HSD17B2: variants seen among roughly 807,000 people sequenced by gnomAD.
The protein encoded by HSD17B2 is 17-beta-hydroxysteroid dehydrogenase type 2.
Under a neutral mutation model 26.9 loss-of-function variants are expected in HSD17B2, and 32 were observed. The ratio of observed to expected loss-of-function variants is 1.19; its 90% confidence interval spans 0.90 to 1.60. The LOEUF is 1.60. HSD17B2 is among the 40% of genes most tolerant of loss of function. HSD17B2 has a pLI of 0.00. For missense variants in HSD17B2, 613 were observed against 468.6 expected (o/e 1.31, Z -2.85); for synonymous variants, 246 against 186.7 (o/e 1.32, Z -2.59).
rs377053659 is a variant in HSD17B2, at chr16:82,035,592, G to C, written c.168G>C (p.Trp56Cys). 214 of 1,613,778 alleles carry C rather than the reference G, an allele frequency of 1.3e-4. No homozygotes were observed. Among genetic ancestry groups the C allele is most frequent in the Non-Finnish European group, 1.7e-4 (198 of 1,180,020 alleles). Residue 56 changes from tryptophan to cysteine, a missense_variant, in exon 1 of 5, where the codon TGG (tryptophan) becomes TGC (cysteine). Physicochemically the swap from Trp to Cys is radical, Grantham distance 215. Transcript: ENST00000199936. ...AVCLLILSPF[W>C]GLILFSVSCF... ...GCCTGCTCATCCTGTCCCCTTTTTG[G>C]GGCTTGATCCTCTTCTCGGTGTCAT...
At chr16:82,097,349 G>GTGTATA (rs1168686992) in intron 4 of HSD17B2, 2 of 57,064 alleles carry the variant, frequency 3.5e-5, no homozygotes, top group Non-Finnish European at 7.0e-5. Flanking sequence ...TTATATATGT[G>GTGTATA]TACACACACA....
chr16:82,061,032 A>T (rs997004332), intron 1 of HSD17B2, among the ~76,000 whole-genome samples: 4 of 152,148 alleles, frequency 2.6e-5, no homozygotes, highest in Non-Finnish European at 4.4e-5. Context: ...AGACTGAGGC[A>T]GGTAGATCAT....
intron 3 of HSD17B2, among the ~76,000 whole-genome samples, chr16:82,078,106 G>A (rs1004554203): frequency 6.6e-6 from 1 of 152,038 alleles, no homozygotes; most frequent in Non-Finnish European, 1.5e-5. Flanking sequence ...CCACAGAATG[G>A]GAGAAAATAT....
Position 82,061,997 on chromosome 16 carries a change from G to A in HSD17B2, c.266-6173G>A, listed in dbSNP as rs183223474. 1.4e-3 allele frequency among the ~76,000 whole-genome samples: 208 copies of A among 152,318 alleles called. 2 individuals are homozygous for A. The highest frequency in any genetic ancestry group is 4.8e-3 in the African/African-American group (199 of 41,582). On this transcript the variant is annotated intron_variant, in intron 1 of 4. Coordinates refer to ENST00000199936, the MANE Select transcript of HSD17B2 (RefSeq NM_002153.3). ...TGGCCTGAAGAACTCCCAAACACGC[G>A]TTATTCACAACGTGCCCAATTTAAG...
intron 1 of HSD17B2, among the ~76,000 whole-genome samples, chr16:82,049,671 G>C (rs1386052028): frequency 1.3e-5 from 2 of 152,220 alleles, no homozygotes; most frequent in Non-Finnish European, 2.9e-5. Context: ...CCATAAACAA[G>C]AGAGTCTTGG....
rs373558283 is a variant in HSD17B2, at chr16:82,035,641, T to A, written c.217T>A (p.Ser73Thr). The A allele has an allele frequency of 3.1e-6, 5 of 1,613,878 alleles. No individual in the cohort carries two copies. The highest frequency in any genetic ancestry group is 4.2e-6 in the Non-Finnish European group (5 of 1,180,052). ...VSCFLMYTYL[S>T]GQELLPVDQK... ...ATGCTTCCTCATGTATACTTACTTA[T>A]CTGGCCAAGAATTGTTACCTGTGGA... The change falls in exon 1 of 5, where the codon TCT becomes ACT. Residue 73 changes from serine (S) to threonine (T), a missense_variant. Ser to Thr is a moderately conservative substitution (Grantham distance 58, BLOSUM62 1). Coordinates refer to ENST00000199936, the MANE Select transcript of HSD17B2 (RefSeq NM_002153.3).
At chr16:82,089,344 TAC>T (rs1904618060) in intron 3 of HSD17B2, among the ~76,000 whole-genome samples, 1 of 152,188 alleles carries the variant, frequency 6.6e-6, no homozygotes, top group African/African-American at 2.4e-5. Flanking sequence ...ATGGCTGGAC[TAC>T]AGTTTGCTTA....
At chr16:82,047,369 TG>T (rs1734582160) in intron 1 of HSD17B2, among the ~76,000 whole-genome samples, 1 of 152,210 alleles carries the variant, frequency 6.6e-6, no homozygotes, top group South Asian at 2.1e-4. Flanking sequence ...AAAAGAACTC[TG>T]ATTAGCAGTG....
At chr16:82,074,783 G>C (rs1418751427) in intron 3 of HSD17B2, among the ~76,000 whole-genome samples, 1 of 152,132 alleles carries the variant, frequency 6.6e-6, no homozygotes, top group Admixed American at 6.5e-5. Flanking sequence ...TTCAGCTTTG[G>C]ATAGATCATC....
intron 1 of HSD17B2, among the ~76,000 whole-genome samples, chr16:82,047,625 G>T (rs555714514): frequency 6.6e-6 from 1 of 152,342 alleles, no homozygotes; most frequent in East Asian, 1.9e-4. Context: ...TAGAGGCCAT[G>T]AGTTGGAAGG....
At position 82,090,408 on chromosome 16, in the gene HSD17B2, C is replaced by G. The variant is rs529414810; in HGVS notation, c.665-494C>G. On this transcript the variant is annotated intron_variant, in intron 3 of 4. Coordinates refer to ENST00000199936, the MANE Select transcript of HSD17B2 (RefSeq NM_002153.3). ...TCCCAGCTCACTACAACCTCTGCCCCCTGGGGTCCAAGCGATTCTTACGTC... is the reference window on the plus strand; with the variant it reads ...TCCCAGCTCACTACAACCTCTGCCCGCTGGGGTCCAAGCGATTCTTACGTC... Among the ~76,000 whole-genome samples the G allele has an allele frequency of 8.1e-5, 12 of 147,312 alleles. No homozygotes were observed. The East Asian group carries it at 1.0e-3, about 12-fold the overall frequency.
chr16:82,079,737 G>A (rs1394309005), intron 3 of HSD17B2, among the ~76,000 whole-genome samples: 1 of 152,100 alleles, frequency 6.6e-6, no homozygotes, highest in Non-Finnish European at 1.5e-5. Flanking sequence ...AGCCGGAAAA[G>A]AAAAAGCTAG....
chr16:82,090,786 G>T, intron 3 of HSD17B2, 116 bp from the exon 4 acceptor site: 1 of 1,010,564 alleles, frequency 9.9e-7, no homozygotes, highest in Non-Finnish European at 1.4e-6. Context: ...GCCTGCCTTT[G>T]TCTGCCCAAG....
At chr16:82,036,316 TTGTTTGTGTG>T (rs1047112827) in intron 1 of HSD17B2, among the ~76,000 whole-genome samples, 4 of 111,486 alleles carry the variant, frequency 3.6e-5, no homozygotes, top group Non-Finnish European at 7.4e-5. Flanking sequence ...AGTTTTTCCC[TTGTTTGTGTG>T]TGTGTGTGTG....
chr16:82,075,711 G>A (rs373598153), intron 3 of HSD17B2, among the ~76,000 whole-genome samples: 2 of 152,108 alleles, frequency 1.3e-5, no homozygotes, highest in Non-Finnish European at 2.9e-5. Context: ...TAACGAGTTC[G>A]AAGCAGTAGT....
In HSD17B2 at chr16:82,098,345, T is replaced by A. The variant is rs763446031; in HGVS notation, c.1073T>A (p.Ile358Lys). The change falls in exon 5 of 5, where the codon ATA becomes AAA. Residue 358 changes from isoleucine to lysine, a missense_variant. Coordinates refer to ENST00000199936, the MANE Select transcript of HSD17B2 (RefSeq NM_002153.3). ...ICLAHYLPIG[I>K]YDYFAKRHFG... is the part of the protein sequence containing the mutation. ...CTTGCTCACTATTTGCCTATTGGCATATATGATTACTTTGCTAAAAGACAT... is the reference window on the plus strand; with the variant it reads ...CTTGCTCACTATTTGCCTATTGGCAAATATGATTACTTTGCTAAAAGACAT... The A allele has an allele frequency of 5.6e-6, 9 of 1,614,070 alleles. No individual in the cohort carries two copies. In the South Asian group the frequency reaches 9.9e-5, roughly 18 times the overall value.
In HSD17B2 at chr16:82,098,421, GA is replaced by G; in HGVS notation, c.1154del (p.Lys385ArgfsTer30). The G allele has an allele frequency of 6.2e-7, 1 of 1,601,186 alleles. No homozygotes were observed. ...GAGCTCTAAGAATGCCTAACTACAA[GA>G]AAAAGGCCACCTAGGCAATGGAAGC... ...PRALRMPNYK[K>X]KAT On this transcript the variant is annotated frameshift_variant, in exon 5 of 5. Transcript: ENST00000199936. LOFTEE classifies it high-confidence loss of function.
intron 1 of HSD17B2, among the ~76,000 whole-genome samples, chr16:82,045,272 G>A (rs571948160): frequency 6.6e-6 from 1 of 152,160 alleles, no homozygotes; most frequent in African/African-American, 2.4e-5. Flanking sequence ...GCACTGGGCT[G>A]TTTACCCCCA....
At chr16:82,091,864 G>A (rs1022784767) in intron 4 of HSD17B2, 2 of 152,154 alleles carry the variant, frequency 1.3e-5, no homozygotes, top group Non-Finnish European at 2.9e-5. Context: ...AATTGCGTTG[G>A]CTTATAAGTC....
Sources: gnomAD v4.1 joint callset for allele counts (sites outside exome capture counted in the v4.1 genomes callset) on GRCh38, gnomAD v4.1.1 for gene constraint, MANE v1.5 for transcripts, NCBI Gene and HGNC (gene_info 2026-07-23, HGNC 2026-07-21) for gene names.